HDAC9: variants seen among roughly 807,000 people sequenced by gnomAD.
HDAC9 encodes MEF-2 interacting transcription repressor (MITR) protein.
HDAC9 carries 41 observed loss-of-function variants against 139.4 expected under a neutral mutation model. That is an observed-to-expected ratio of 0.29 (90% CI 0.23 to 0.38). The LOEUF (loss-of-function observed/expected upper bound fraction) is 0.38. Among genes scored for constraint, HDAC9 ranks in the 10% least tolerant of loss-of-function variants. HDAC9 has a pLI of 1.00. For synonymous variants in HDAC9, 517 were observed against 476.2 expected, an observed-to-expected ratio of 1.09 and a Z score of -1.12; for missense variants, 1,147 against 1,297.0, an observed-to-expected ratio of 0.88 and a Z score of 1.78.
At chr7:18,602,940 A>G (rs1488332472) in intron 6 of HDAC9, among the ~76,000 whole-genome samples, 1 of 152,050 alleles carries the variant, frequency 6.6e-6, no homozygotes, top group African/African-American at 2.4e-5. Context: ...TTGTCCTTCC[A>G]GTTCTAACAG....
chr7:18,985,545 T>C (rs1785277205), intron 25 of HDAC9, among the ~76,000 whole-genome samples: 1 of 151,922 alleles, frequency 6.6e-6, no homozygotes, highest in Non-Finnish European at 1.5e-5. Context: ...TGCGTGTGTC[T>C]TTAGAGCAGC....
At chr7:18,657,625 A>C (rs1016053928) in intron 11 of HDAC9, among the ~76,000 whole-genome samples, 1 of 152,096 alleles carries the variant, frequency 6.6e-6, no homozygotes, top group African/African-American at 2.4e-5. Flanking sequence ...TGTCCTAGTT[A>C]AGAACACTGC....
chr7:18,797,372 C>A (rs932181854), intron 17 of HDAC9, among the ~76,000 whole-genome samples: 4 of 151,972 alleles, frequency 2.6e-5, no homozygotes, highest in African/African-American at 9.7e-5. Flanking sequence ...TACAAAAAGA[C>A]AAGAAGTTAC....
intron 1 of HDAC9, among the ~76,000 whole-genome samples, chr7:18,140,974 A>G (rs539131716): frequency 6.6e-6 from 1 of 151,998 alleles, no homozygotes; most frequent in East Asian, 1.9e-4. Flanking sequence ...TCATAAAGCT[A>G]AAATTCTCAA....
At chr7:18,849,618 A>G (rs1018480357) in intron 21 of HDAC9, among the ~76,000 whole-genome samples, 16 of 152,232 alleles carry the variant, frequency 1.1e-4, no homozygotes, top group African/African-American at 3.1e-4. Context: ...GTGTGAACAT[A>G]TAATTGGTTT....
intron 21 of HDAC9, among the ~76,000 whole-genome samples, chr7:18,850,246 G>C (rs1585150536): frequency 6.6e-6 from 1 of 152,126 alleles, no homozygotes; most frequent in Non-Finnish European, 1.5e-5. Flanking sequence ...TAGCACAAAA[G>C]CATGCAGCTT....
At chr7:18,358,328 A>G (rs370779116) in intron 1 of HDAC9, among the ~76,000 whole-genome samples, 1 of 151,914 alleles carries the variant, frequency 6.6e-6, no homozygotes, top group Non-Finnish European at 1.5e-5. Context: ...TGGGAGCACA[A>G]ACACTTATGT....
chr7:18,566,639 G>A (rs925023186), intron 2 of HDAC9, among the ~76,000 whole-genome samples: 36 of 152,188 alleles, frequency 2.4e-4, no homozygotes, highest in African/African-American at 8.0e-4. Flanking sequence ...ATCCATAGAC[G>A]TGGACTAATC....
chr7:18,561,327 TC>T (rs2128707429), intron 2 of HDAC9, among the ~76,000 whole-genome samples: 1 of 152,294 alleles, frequency 6.6e-6, no homozygotes, highest in East Asian at 1.9e-4. Flanking sequence ...ATATGCCAAT[TC>T]CCCAGAGATT....
At chr7:18,738,896 C>T (rs1322830378) in intron 13 of HDAC9, among the ~76,000 whole-genome samples, 1 of 152,220 alleles carries the variant, frequency 6.6e-6, no homozygotes, top group South Asian at 2.1e-4. Flanking sequence ...TTCAGGTACA[C>T]CAATCAAATG....
intron 23 of HDAC9, among the ~76,000 whole-genome samples, chr7:18,947,132 T>C (rs1782459901): frequency 6.6e-6 from 1 of 151,944 alleles, no homozygotes; most frequent in Admixed American, 6.6e-5. Flanking sequence ...AAGCTGAACT[T>C]AGAGAAACAT....
At chr7:18,633,615 A>G (rs7796078) in intron 7 of HDAC9, among the ~76,000 whole-genome samples, 43,733 of 151,952 alleles carry the variant, frequency 0.29, 6,522 homozygotes, top group Non-Finnish European at 0.33. Flanking sequence ...TGGAAATCAT[A>G]TCAAAAATCC....
chr7:18,645,941 A>G (rs1249964719), intron 9 of HDAC9, among the ~76,000 whole-genome samples: 1 of 152,196 alleles, frequency 6.6e-6, no homozygotes, highest in Non-Finnish European at 1.5e-5. Context: ...TTCTTATACC[A>G]ATGAGGAAAA....
At chr7:18,431,912 T>C (rs766794152) in intron 1 of HDAC9, among the ~76,000 whole-genome samples, 8 of 152,204 alleles carry the variant, frequency 5.3e-5, no homozygotes, top group Non-Finnish European at 8.8e-5. Flanking sequence ...ACTATTTTCA[T>C]TGCCTACATG....
chr7:18,188,846 G>C (rs1790113975), intron 2 of HDAC9, among the ~76,000 whole-genome samples: 1 of 149,808 alleles, frequency 6.7e-6, no homozygotes, highest in Non-Finnish European at 1.5e-5. Flanking sequence ...GAAACAATAA[G>C]ATGCTGGCGA....
At chr7:18,891,719 C>T (rs541979392) in intron 22 of HDAC9, among the ~76,000 whole-genome samples, 2 of 152,206 alleles carry the variant, frequency 1.3e-5, no homozygotes, top group East Asian at 1.9e-4. Flanking sequence ...CCCAATAGAT[C>T]ACCAAAGGTT....
chr7:18,786,344 A>C (rs921895651), intron 16 of HDAC9, among the ~76,000 whole-genome samples: 1 of 152,120 alleles, frequency 6.6e-6, no homozygotes, highest in Non-Finnish European at 1.5e-5. Context: ...TAGTCCCTCC[A>C]TGCCTCCATA....
At chr7:18,827,369 G>C (rs1795530056) in intron 17 of HDAC9, among the ~76,000 whole-genome samples, 3 of 151,970 alleles carry the variant, frequency 2.0e-5, no homozygotes, top group Admixed American at 2.0e-4. Flanking sequence ...TTTTTAACTA[G>C]ATGACTAAAT....
intron 2 of HDAC9, among the ~76,000 whole-genome samples, chr7:18,209,831 G>A (rs914229166): frequency 6.6e-6 from 1 of 151,988 alleles, no homozygotes; most frequent in African/African-American, 2.4e-5. Flanking sequence ...CTTCAGAGTA[G>A]CTGGGACTAC....
Sources: gnomAD v4.1 joint callset for allele counts (sites outside exome capture counted in the v4.1 genomes callset) on GRCh38, gnomAD v4.1.1 for gene constraint, MANE v1.5 for transcripts, NCBI Gene and HGNC (gene_info 2026-07-23, HGNC 2026-07-21) for gene names.